The following PTGDS variants were observed in gnomAD, a reference collection of about 807,000 sequenced individuals.
The protein encoded by PTGDS is prostaglandin-H2 D-isomerase.
In PTGDS, 21 loss-of-function variants were observed where a neutral mutation model predicts 28.4. The observed-to-expected ratio is 0.74, with a 90% CI of 0.52 to 1.07. The LOEUF is 1.07. Among genes scored for constraint, PTGDS ranks in the 50% least tolerant of loss-of-function variants. PTGDS has a pLI of 0.00. For synonymous variants in PTGDS, 102 were observed against 106.0 expected (o/e 0.96, Z 0.23); for missense variants, 243 against 247.7 (o/e 0.98, Z 0.13).
intron 1 of PTGDS, 121 bp downstream of exon 1, chr9:136,977,813 G>A (rs896581868): frequency 3.1e-6 from 3 of 956,172 alleles, no homozygotes; most frequent in East Asian, 3.0e-5. Flanking sequence ...GGGCAGTGCC[G>A]GCCAGGGACT....
chr9:136,979,245 A>G lies in PTGDS; in HGVS notation c.277A>G (p.Thr93Ala). ...FLRKNQCETRTMLLQPAGSLG... is the reference protein window; with the variant it reads ...FLRKNQCETRAMLLQPAGSLG... ...CAGGAAAAACCAGTGTGAGACCCGA[A>G]CCATGCTGCTGCAGCCCGCGGGGTC... Residue 93 changes from threonine to alanine, a missense_variant, in exon 3 of 7, where the codon ACC becomes GCC. Transcript: ENST00000371625. The G allele has an allele frequency of 6.2e-7, 1 of 1,612,850 alleles. No individual in the cohort carries two copies. The highest frequency in any genetic ancestry group is 1.1e-5 in the South Asian group (1 of 91,088).
At position 136,979,068 on chromosome 9, in the gene PTGDS, A is replaced by T. The variant is rs763203093; in HGVS notation, c.190A>T (p.Met64Leu). ...CCGGGAGAAGAAGGCGGCGTTGTCC[A>T]TGTGCAAGTCTGTGGTGGCCCCTGC... ...WLREKKAALS[M>L]CKSVVAPATD... Residue 64 changes from methionine (M) to leucine (L), a missense_variant, in exon 2 of 7, where the codon ATG (methionine) becomes TTG (leucine). Coordinates refer to ENST00000371625, the MANE Select transcript of PTGDS (RefSeq NM_000954.6). 5.6e-6 allele frequency: 9 copies of T among 1,609,886 alleles called. No individual in the cohort carries two copies. Among genetic ancestry groups the T allele is most frequent in the Non-Finnish European group, 6.8e-6 (8 of 1,178,084 alleles).
At chr9:136,980,957 A>T in intron 6 of PTGDS, 102 bp downstream of exon 6, 2 of 1,446,308 alleles carry the variant, frequency 1.4e-6, no homozygotes, top group Non-Finnish European at 1.8e-6. Flanking sequence ...GCCCCAGGAC[A>T]GCCTGGTGCT....
chr9:136,980,774 T>G, intron 5 of PTGDS, 59 bp from the exon 6 acceptor site: 1 of 1,613,834 alleles, frequency 6.2e-7, no homozygotes, highest in Non-Finnish European at 8.5e-7. Context: ...GGAAGCCCAG[T>G]GGGAAAATTG....
chr9:136,980,572 C>A (rs1206368626), intron 5 of PTGDS: 13 of 1,278,844 alleles, frequency 1.0e-5, no homozygotes, highest in Non-Finnish European at 1.2e-5. Context: ...TAGAGGGTGC[C>A]CATGGGGGAT....
chr9:136,980,744 T>TC, intron 5 of PTGDS, 89 bp from the exon 6 acceptor site: 3 of 1,613,676 alleles, frequency 1.9e-6, no homozygotes, highest in Non-Finnish European at 2.5e-6. Flanking sequence ...CAAGACGAGC[T>TC]CTGCGTTACG....
chr9:136,977,639 C>G lies in PTGDS; in HGVS notation c.61C>G (p.Gln21Glu). The G allele has an allele frequency of 6.2e-7, 1 of 1,608,906 alleles. No homozygotes were observed. Among genetic ancestry groups the G allele is most frequent in the Non-Finnish European group, 8.5e-7 (1 of 1,178,492 alleles). Residue 21 changes from glutamine to glutamate, a missense_variant, in exon 1 of 7, where the codon CAG becomes GAG. Physicochemically the swap from Gln to Glu is conservative, Grantham distance 29. Transcript: ENST00000371625. The part of the protein sequence containing the change: ...LALLGVLGDL[Q>E]AAPEAQVSVQ... The stretch of plus-strand genomic sequence containing the variant: ...CCTGCTGGGGGTGCTGGGCGACCTG[C>G]AGGCAGCACCGGAGGCCCAGGTCTC...
At chr9:136,978,249 G>T (rs1045930174) in intron 1 of PTGDS, among the ~76,000 whole-genome samples, 1 of 152,154 alleles carries the variant, frequency 6.6e-6, no homozygotes, top group Admixed American at 6.5e-5. Context: ...CCCGATCCCC[G>T]CCAGGAATGC....
At chr9:136,980,458 T>C (rs1311472301) in intron 5 of PTGDS, among the ~76,000 whole-genome samples, 174 bp downstream of exon 5, 1 of 152,124 alleles carries the variant, frequency 6.6e-6, no homozygotes, top group Non-Finnish European at 1.5e-5. Flanking sequence ...AGCCCCTTCA[T>C]GAGGAGCCCC....
intron 3 of PTGDS, 74 bp from the exon 4 acceptor site, chr9:136,979,872 T>G: frequency 7.2e-7 from 1 of 1,387,784 alleles, no homozygotes; most frequent in Non-Finnish European, 1.0e-6. Flanking sequence ...AGCCCACAGG[T>G]GCACCCCTTC....
At chr9:136,980,753 CGG>C in intron 5 of PTGDS, 78 bp from the exon 6 acceptor site, 1 of 1,613,602 alleles carries the variant, frequency 6.2e-7, no homozygotes, top group Non-Finnish European at 8.5e-7. Context: ...CTCTGCGTTA[CGG>C]GAGGAACAGG....
At chr9:136,980,354 G>C (rs1261777705) in intron 5 of PTGDS, 70 bp downstream of exon 5, 6 of 1,524,090 alleles carry the variant, frequency 3.9e-6, no homozygotes, top group Non-Finnish European at 5.4e-6. Context: ...TCTCCTGACT[G>C]GGGGAGGCAG....
intron 5 of PTGDS, 126 bp downstream of exon 5, chr9:136,980,410 A>G: frequency 9.4e-7 from 1 of 1,062,062 alleles, no homozygotes; most frequent in South Asian, 1.6e-5. Context: ...GGCCAGGGAC[A>G]GAGGGGGTGA....
At chr9:136,978,081 G>A (rs376711947) in intron 1 of PTGDS, among the ~76,000 whole-genome samples, 4 of 152,190 alleles carry the variant, frequency 2.6e-5, no homozygotes, top group Non-Finnish European at 1.5e-5. Flanking sequence ...TGCGCGGTGG[G>A]GGTTGGGAGG....
At chr9:136,978,547 T>G (rs1420518817) in intron 1 of PTGDS, among the ~76,000 whole-genome samples, 2 of 28,482 alleles carry the variant, frequency 7.0e-5, no homozygotes, top group South Asian at 1.2e-3. Flanking sequence ...GGCGGGGGCC[T>G]GATGGGCGTG....
intron 3 of PTGDS, 144 bp downstream of exon 3, chr9:136,979,443 T>C (rs758440313): frequency 1.3e-6 from 2 of 1,550,060 alleles, no homozygotes; most frequent in African/African-American, 2.7e-5. Context: ...AGGCCAGGCC[T>C]GGGCGTGACT....
chr9:136,979,767 G>A, intron 3 of PTGDS, 179 bp from the exon 4 acceptor site: 2 of 689,340 alleles, frequency 2.9e-6, no homozygotes, highest in Non-Finnish European at 5.1e-6. Context: ...TTGGGGACAG[G>A]GTTCACAGGC....
chr9:136,980,756 G>A (rs1288340698), intron 5 of PTGDS, 77 bp from the exon 6 acceptor site: 1 of 1,613,906 alleles, frequency 6.2e-7, no homozygotes, highest in South Asian at 1.1e-5. Flanking sequence ...TGCGTTACGG[G>A]AGGAACAGGA....
rs1564196551 is a variant in PTGDS, at chr9:136,980,080, GC to G, written c.448+20del. The G allele has an allele frequency of 1.2e-6, 2 of 1,607,416 alleles. No homozygotes were observed. Among genetic ancestry groups the G allele is most frequent in the Non-Finnish European group, 1.7e-6 (2 of 1,176,612 alleles). ...CCTCTACAGTACGTGCCCCGTGGAC[GC>G]CGCCCACACGCAGGCCTGACCAGAG... On this transcript the variant is annotated intron_variant, in intron 4 of 6. Transcript: ENST00000371625.
Sources: gnomAD v4.1 joint callset for allele counts (sites outside exome capture counted in the v4.1 genomes callset) on GRCh38, gnomAD v4.1.1 for gene constraint, MANE v1.5 for transcripts, NCBI Gene and HGNC (gene_info 2026-07-23, HGNC 2026-07-21) for gene names.